MYPN: variants seen among roughly 807,000 people sequenced by gnomAD.
MYPN encodes myopalladin.
Under a neutral mutation model 129.4 loss-of-function variants are expected in MYPN, and 63 were observed. That is an observed-to-expected ratio of 0.49 (90% CI 0.40 to 0.60). The LOEUF (loss-of-function observed/expected upper bound fraction) is 0.60, where lower values mean the gene tolerates loss of function less well. Among genes scored for constraint, MYPN ranks in the 20% least tolerant of loss-of-function variants. The pLI, the probability that MYPN is intolerant of heterozygous loss-of-function variation, is 0.00. For missense variants in MYPN, 1,596 were observed against 1,635.4 expected (o/e 0.98, Z 0.42); for synonymous variants, 629 against 600.9 (o/e 1.05, Z -0.68).
chr10:68,179,325 G>A (rs1226282512), intron 12 of MYPN, among the ~76,000 whole-genome samples: 1 of 152,170 alleles, frequency 6.6e-6, no homozygotes, highest in Admixed American at 6.5e-5. Flanking sequence ...GGATAGTGAA[G>A]TGTCTCTGTA....
At chr10:68,194,734 A>G (rs1051095623) in intron 14 of MYPN, among the ~76,000 whole-genome samples, 2 of 152,234 alleles carry the variant, frequency 1.3e-5, no homozygotes, top group African/African-American at 4.8e-5. Flanking sequence ...GGACCTTAGT[A>G]CTATTTTTTC....
rs10997941 is a variant in MYPN at position 68,134,495 on chromosome 10, T to C, written c.903-8445T>C. Among the ~76,000 whole-genome samples the C allele has an allele frequency of 6.4e-3, 977 of 152,346 alleles. 14 individuals carry two copies. The highest frequency in any genetic ancestry group is 9.5e-3 in the Admixed American group (146 of 15,300). On this transcript the variant is annotated intron_variant, in intron 2 of 19. Transcript: ENST00000358913. ...CATTTATTCATCCTCTCTTTTGTTA[T>C]ATCTAAAATAGGATATGTGGGCCAG...
chr10:68,178,976 T>C (rs2043271989), intron 12 of MYPN, among the ~76,000 whole-genome samples: 1 of 152,006 alleles, frequency 6.6e-6, no homozygotes, highest in African/African-American at 2.4e-5. Flanking sequence ...CCCCTGCTTT[T>C]TATTATTATT....
Position 68,190,226 on chromosome 10 carries a change from G to A in MYPN, c.2925+1100G>A, listed in dbSNP as rs367551656. On this transcript the variant is annotated intron_variant, in intron 13 of 19. Transcript: ENST00000358913. ...GTGTGAGACAAAGTCTCACTCTGTC[G>A]CCCAGGCTGGAGTGTGGTGGCACAG... 6.1e-4 allele frequency among the ~76,000 whole-genome samples: 93 copies of A among 152,072 alleles called. 1 individual carries two copies. The highest frequency in any genetic ancestry group is 8.0e-4 in the African/African-American group (33 of 41,480).
chr10:68,137,999 A>G (rs1258733644), intron 2 of MYPN, among the ~76,000 whole-genome samples: 1 of 152,208 alleles, frequency 6.6e-6, no homozygotes, highest in Non-Finnish European at 1.5e-5. Flanking sequence ...TTTACCACCC[A>G]AATATTAAGA....
At chr10:68,159,749 G>A (rs1235100599) in intron 7 of MYPN, among the ~76,000 whole-genome samples, 4 of 152,126 alleles carry the variant, frequency 2.6e-5, no homozygotes, top group South Asian at 4.1e-4. Flanking sequence ...CTTTCTCTGG[G>A]CAGTGAGTCT....
chr10:68,123,242 G>C (rs943129714), intron 2 of MYPN, among the ~76,000 whole-genome samples: 1 of 152,070 alleles, frequency 6.6e-6, no homozygotes, highest in African/African-American at 2.4e-5. Flanking sequence ...GCCGGGCGTG[G>C]TAACAGGCAT....
At chr10:68,195,000 C>T (rs1330760651) in intron 14 of MYPN, among the ~76,000 whole-genome samples, 1 of 152,138 alleles carries the variant, frequency 6.6e-6, no homozygotes, top group Non-Finnish European at 1.5e-5. Context: ...CTGAATGAAG[C>T]CAAATCTTAA....
rs10997975 is a variant in MYPN at position 68,174,164 on chromosome 10, G to A, written c.2072G>A (p.Ser691Asn). Residue 691 changes from serine (S) to asparagine (N), a missense_variant, in exon 11 of 20, where the codon AGC becomes AAC. Coordinates refer to ENST00000358913, the MANE Select transcript of MYPN (RefSeq NM_032578.4). ...PPSSPKEFPF[S>N]MTVLNSNAPP... ...TCATCTCCTAAGGAGTTTCCTTTCA[G>A]CATGACTGTTTTGAACTCCAATGCT... is the stretch of plus-strand genomic sequence containing the variant. The A allele has an allele frequency of 0.46, 750,178 of 1,613,462 alleles. 179,292 individuals carry two copies. Among genetic ancestry groups the A allele is most frequent in the Non-Finnish European group, 0.49 (583,316 of 1,179,714 alleles).
At chr10:68,194,617 A>G (rs2043574254) in intron 14 of MYPN, 105 bp downstream of exon 14, 2 of 1,282,242 alleles carry the variant, frequency 1.6e-6, no homozygotes, top group Non-Finnish European at 2.2e-6. Flanking sequence ...ATTGCTGAGG[A>G]AAATGAATGA....
chr10:68,156,131 T>C (rs187224571), intron 6 of MYPN, among the ~76,000 whole-genome samples: 2 of 152,344 alleles, frequency 1.3e-5, no homozygotes, highest in East Asian at 1.9e-4. Context: ...CTCATTCTAC[T>C]GTGAATGTAC....
At chr10:68,110,990 G>C (rs1297123394) in intron 1 of MYPN, among the ~76,000 whole-genome samples, 1 of 152,118 alleles carries the variant, frequency 6.6e-6, no homozygotes, top group African/African-American at 2.4e-5. Context: ...CCCACTTATA[G>C]TATATGGCTA....
chr10:68,209,179 C>A (rs893750708), intron 19 of MYPN, among the ~76,000 whole-genome samples: 2 of 151,912 alleles, frequency 1.3e-5, no homozygotes, highest in Non-Finnish European at 2.9e-5. Context: ...CACCAAGGTC[C>A]CCAGAAACCT....
intron 18 of MYPN, among the ~76,000 whole-genome samples, chr10:68,206,342 G>C (rs1380684756): frequency 2.6e-5 from 4 of 152,250 alleles, no homozygotes; most frequent in African/African-American, 4.8e-5. Flanking sequence ...GAAGCTGCAC[G>C]AGCCCAGCTG....
chr10:68,105,998 C>A (rs1346438024), upstream of MYPN: 3 of 277,096 alleles, frequency 1.1e-5, no homozygotes, highest in Non-Finnish European at 2.2e-5. Flanking sequence ...TCTGAAAGAG[C>A]AATCTGTTCT....
Position 68,135,581 on chromosome 10 carries a change from C to T in MYPN, c.903-7359C>T, listed in dbSNP as rs2817761. Reference sequence around the variant, plus strand: ...CACATTCTTCACTTAAGAGATCAAGCATTGCTAAATGAAGCTGGGCAAAGA... The same window carrying T: ...CACATTCTTCACTTAAGAGATCAAGTATTGCTAAATGAAGCTGGGCAAAGA... On this transcript the variant is annotated intron_variant, in intron 2 of 19. Transcript: ENST00000358913. 145 of 638,072 alleles carry T rather than the reference C, an allele frequency of 2.3e-4. No homozygotes were observed. In the African/African-American group the frequency reaches 2.7e-3, roughly 12 times the overall value. 39.5% of individuals were successfully genotyped at this position (638,072 alleles called of 1,614,324 possible).
chr10:68,101,185 A>T (rs74143012), upstream of MYPN, among the ~76,000 whole-genome samples: 12,235 of 152,276 alleles, frequency 0.08, 690 homozygotes, highest in South Asian at 0.22. Context: ...ATACATAAAT[A>T]CGTAAAAAAA....
chr10:68,210,555 C>G lies in MYPN; in HGVS notation c.*100C>G. The G allele has an allele frequency of 3.6e-6, 5 of 1,385,124 alleles. No homozygotes were observed. The highest frequency in any genetic ancestry group is 4.1e-6 in the Non-Finnish European group (4 of 983,610). 85.8% of individuals were successfully genotyped at this position (1,385,124 alleles called of 1,614,324 possible). A position where few individuals can be genotyped will look rare whatever the true frequency, so the allele number is the denominator to read the frequency against. ...CCAAGCAACCGAAGTTGAGTAAGTTCCCACACTGCTGGACCTGTGGCAAAG... is the reference window on the plus strand; with the variant it reads ...CCAAGCAACCGAAGTTGAGTAAGTTGCCACACTGCTGGACCTGTGGCAAAG... On this transcript the variant is annotated 3_prime_UTR_variant, in exon 20 of 20. Transcript: ENST00000358913.
intron 8 of MYPN, among the ~76,000 whole-genome samples, chr10:68,165,006 A>C (rs2043031680): frequency 6.6e-6 from 1 of 152,264 alleles, no homozygotes; most frequent in African/African-American, 2.4e-5. Context: ...AAAATGTTTT[A>C]TTAGTCCTTT....
Sources: allele counts gnomAD v4.1 joint callset (sites outside exome capture counted in the v4.1 genomes callset), GRCh38; gene constraint gnomAD v4.1.1; transcripts MANE v1.5; gene names NCBI Gene and HGNC (gene_info 2026-07-23, HGNC 2026-07-21).